Variants in CRACD observed in about 807,000 individuals in gnomAD.
CRACD encodes capping protein-inhibiting regulator of actin dynamics.
In CRACD, 56 loss-of-function variants were observed where a neutral mutation model predicts 106.8. The ratio of observed to expected loss-of-function variants is 0.52; its 90% confidence interval spans 0.42 to 0.66. The LOEUF (loss-of-function observed/expected upper bound fraction) is 0.66. CRACD is among the 30% of genes least tolerant of loss of function. The probability of loss-of-function intolerance (pLI) is 0.00; values close to 1 mark genes in which losing one functional copy is unlikely to be tolerated. For synonymous variants in CRACD, 754 were observed against 670.8 expected, an observed-to-expected ratio of 1.12 and a Z score of -1.92; for missense variants, 1,730 against 1,623.2, an observed-to-expected ratio of 1.07 and a Z score of -1.13.
intron 1 of CRACD, among the ~76,000 whole-genome samples, chr4:56,058,688 A>C (rs1732170840): frequency 6.6e-6 from 1 of 152,204 alleles, no homozygotes; most frequent in Non-Finnish European, 1.5e-5. Context: ...TGCTATTTTT[A>C]GTTGAGATTT....
At chr4:56,105,734 G>C (rs1316220611) in intron 1 of CRACD, among the ~76,000 whole-genome samples, 2 of 151,992 alleles carry the variant, frequency 1.3e-5, no homozygotes, top group Admixed American at 1.3e-4. Context: ...TAATAGCTTT[G>C]TTTTCCATCA....
intron 6 of CRACD, among the ~76,000 whole-genome samples, chr4:56,312,096 G>C (rs1340675015): frequency 6.6e-6 from 1 of 152,014 alleles, no homozygotes; most frequent in Non-Finnish European, 1.5e-5. Flanking sequence ...TTTCTCATCA[G>C]GTCCCTCTTC....
At chr4:56,125,442 C>T (rs1734626091) in intron 1 of CRACD, among the ~76,000 whole-genome samples, 1 of 151,922 alleles carries the variant, frequency 6.6e-6, no homozygotes, top group South Asian at 2.1e-4. Flanking sequence ...CAGGGTCTTG[C>T]CCTGTCACCC....
At chr4:56,281,290 G>A (rs531402721) in intron 3 of CRACD, among the ~76,000 whole-genome samples, 1 of 152,232 alleles carries the variant, frequency 6.6e-6, no homozygotes, top group East Asian at 1.9e-4. Flanking sequence ...TGCTTTTTCT[G>A]AGAATCTAAT....
chr4:56,058,616 A>T (rs1264777112), intron 1 of CRACD, among the ~76,000 whole-genome samples: 1 of 152,250 alleles, frequency 6.6e-6, no homozygotes, highest in African/African-American at 2.4e-5. Flanking sequence ...TTTTGTGAGC[A>T]TAATGGTCTT....
intron 1 of CRACD, among the ~76,000 whole-genome samples, chr4:56,069,089 G>A (rs765935707): frequency 9.2e-5 from 14 of 152,162 alleles, no homozygotes; most frequent in South Asian, 2.1e-4. Context: ...GCCAGGAGCC[G>A]CGGGATGTGG....
intron 2 of CRACD, among the ~76,000 whole-genome samples, chr4:56,252,267 A>C (rs1392932983): frequency 1.3e-5 from 2 of 152,122 alleles, no homozygotes; most frequent in East Asian, 3.9e-4. Flanking sequence ...CCCACTACAC[A>C]CACATACCAC....
chr4:56,213,881 A>C (rs1418745110), intron 2 of CRACD, among the ~76,000 whole-genome samples: 1 of 152,224 alleles, frequency 6.6e-6, no homozygotes, highest in Non-Finnish European at 1.5e-5. Flanking sequence ...CTTTAGGCTA[A>C]ACCTAATTTA....
intron 2 of CRACD, among the ~76,000 whole-genome samples, chr4:56,264,313 A>G (rs936980521): frequency 1.3e-5 from 2 of 152,152 alleles, no homozygotes; most frequent in Admixed American, 6.5e-5. Flanking sequence ...AAACCCCATT[A>G]TAGTAGTCCC....
chr4:56,072,184 T>G (rs1275123910), intron 1 of CRACD, among the ~76,000 whole-genome samples: 3 of 151,142 alleles, frequency 2.0e-5, no homozygotes, highest in African/African-American at 7.3e-5. Flanking sequence ...CCAGATAAAG[T>G]GTGAACTCTA....
chr4:56,196,277 G>A (rs1192307632), intron 2 of CRACD: 1 of 152,714 alleles, frequency 6.5e-6, no homozygotes, highest in Non-Finnish European at 1.5e-5. Context: ...ATAACAGTGG[G>A]ACACTCCCCC....
At chr4:56,151,541 T>C (rs1410683494) in intron 1 of CRACD, among the ~76,000 whole-genome samples, 1 of 152,124 alleles carries the variant, frequency 6.6e-6, no homozygotes, top group Non-Finnish European at 1.5e-5. Flanking sequence ...ATGAGGATAT[T>C]CTCCTATACA....
intron 1 of CRACD, among the ~76,000 whole-genome samples, chr4:56,113,860 G>A (rs1417696353): frequency 6.6e-6 from 1 of 151,972 alleles, no homozygotes; most frequent in African/African-American, 2.4e-5. Context: ...ATCACTAGAA[G>A]CATTTTTTTA....
chr4:56,317,627 A>G (rs9995463), intron 8 of CRACD, among the ~76,000 whole-genome samples: 52,505 of 151,988 alleles, frequency 0.35, 10,090 homozygotes, highest in Non-Finnish European at 0.44. Flanking sequence ...TAGTGGCACC[A>G]TGATGGCAGT....
At chr4:56,072,449 C>T (rs1732691449) in intron 1 of CRACD, among the ~76,000 whole-genome samples, 1 of 152,170 alleles carries the variant, frequency 6.6e-6, no homozygotes, top group Admixed American at 6.5e-5. Flanking sequence ...GTATCTTCTA[C>T]TTTTCTCCTT....
At chr4:56,058,916 A>G (rs1243014511) in intron 1 of CRACD, among the ~76,000 whole-genome samples, 2 of 152,232 alleles carry the variant, frequency 1.3e-5, no homozygotes, top group Non-Finnish European at 2.9e-5. Flanking sequence ...CATACTAGAA[A>G]TTAACCTTTA....
chr4:56,095,112 G>A (rs1577959006), intron 1 of CRACD, among the ~76,000 whole-genome samples: 1 of 152,142 alleles, frequency 6.6e-6, no homozygotes, highest in East Asian at 1.9e-4. Flanking sequence ...AGCACTTTGG[G>A]AGGCCAGGGT....
In CRACD at chr4:56,315,553, G is replaced by A. The variant is rs1036915077; in HGVS notation, c.2051G>A (p.Arg684His). The A allele has an allele frequency of 1.2e-6, 2 of 1,614,112 alleles. No individual in the cohort carries two copies. The highest frequency in any genetic ancestry group is 1.1e-5 in the South Asian group (1 of 91,086). ...RILKNAESDP[R>H]SSERDQLRPG... ...CTGAAGAACGCAGAGAGTGACCCGC[G>A]CAGCAGCGAGAGGGACCAGTTGAGG... The change falls in exon 8 of 11, where the codon CGC (arginine) becomes CAC (histidine). Residue 684 changes from arginine (R) to histidine (H), a missense_variant. Physicochemically the swap from Arg to His is conservative, Grantham distance 29. This residue lies in a region of CRACD where 1,620 missense variants were observed against 1,481.6 expected (regional missense o/e 1.09). Coordinates refer to ENST00000682029, the MANE Select transcript of CRACD (RefSeq NM_001393381.1). This position sits in a 1 kb window ranked among gnomAD's most constrained non-coding sequence, Gnocchi z 4.1.
chr4:56,308,494 A>C (rs80332684), intron 5 of CRACD, among the ~76,000 whole-genome samples: 1 of 23,406 alleles, frequency 4.3e-5, no homozygotes, highest in Admixed American at 3.2e-4. Context: ...AAAACAAACA[A>C]AAAAAAAACC....
Sources: gnomAD v4.1 joint callset for allele counts (sites outside exome capture counted in the v4.1 genomes callset) on GRCh38, gnomAD v4.1.1 for gene constraint, gnomAD v4.1.1 regional missense constraint, Gnocchi (gnomAD v3.1) non-coding constraint, MANE v1.5 for transcripts, NCBI Gene and HGNC (gene_info 2026-07-23, HGNC 2026-07-21) for gene names.